The following GPR141 variants were observed in gnomAD, a reference collection of about 807,000 sequenced individuals.
The protein encoded by GPR141 is probable G protein-coupled receptor 141.
In GPR141, 6 loss-of-function variants were observed where a neutral mutation model predicts 6.8. The ratio of observed to expected loss-of-function variants is 0.88; its 90% confidence interval spans 0.48 to 1.74. The LOEUF is 1.74. GPR141 is among the 40% of genes most tolerant of loss of function. The pLI is 0.01. For missense variants in GPR141, 372 were observed against 372.9 expected, an observed-to-expected ratio of 1.00 and a Z score of 0.02; for synonymous variants, 140 against 142.3, an observed-to-expected ratio of 0.98 and a Z score of 0.11.
chr7:37,702,115 G>C (rs1046601209), intron 2 of GPR141, among the ~76,000 whole-genome samples: 7 of 152,022 alleles, frequency 4.6e-5, no homozygotes, highest in African/African-American at 1.7e-4. Flanking sequence ...AACTTTCCAA[G>C]TCATCTTATT....
Position 37,687,962 on chromosome 7 carries a change from C to A in GPR141, c.-15+2379C>A, listed in dbSNP as rs530642074. 4.1e-4 allele frequency among the ~76,000 whole-genome samples: 63 copies of A among 152,244 alleles called. 1 individual carries two copies. The highest frequency in any genetic ancestry group is 5.9e-4 in the Non-Finnish European group (40 of 68,018). ...TTTTAGATTTTGTGAGCCAAACAAT[C>A]TCTGTTGCAACGATACAACTTACAA... On this transcript the variant is annotated intron_variant, in intron 2 of 2. Transcript: ENST00000334425.
rs1405104290 is a variant in GPR141, at chr7:37,698,507, G to GTTGAGGCAACTTAGTAA, written c.-15+12924_-15+12925insTTGAGGCAACTTAGTAA. ...GGGGAATCTTGAGGCAACTTAGTAA[G>GTTGAGGCAACTTAGTAA]GGAGTATTAGAAACAGTCTGTGGAA... On this transcript the variant is annotated intron_variant, in intron 2 of 2. Coordinates refer to ENST00000334425, the MANE Select transcript of GPR141 (RefSeq NM_001381946.1). Among the ~76,000 whole-genome samples the GTTGAGGCAACTTAGTAA allele has an allele frequency of 3.9e-5, 6 of 152,292 alleles. No homozygotes were observed. In the South Asian group the frequency reaches 8.3e-4, roughly 21 times the overall value.
intron 2 of GPR141, among the ~76,000 whole-genome samples, chr7:37,698,426 C>T (rs759506224): frequency 2.0e-5 from 3 of 152,104 alleles, no homozygotes; most frequent in Non-Finnish European, 4.4e-5. Flanking sequence ...CCAAAGGCCA[C>T]GAGAACCTGT....
intron 2 of GPR141, among the ~76,000 whole-genome samples, chr7:37,691,849 T>C (rs1169595212): frequency 6.6e-6 from 1 of 152,214 alleles, no homozygotes; most frequent in Non-Finnish European, 1.5e-5. Context: ...TCCCATTCTC[T>C]CCTGGCCTGT....
Position 37,713,464 on chromosome 7 carries a change from A to G in GPR141, c.-14-26916A>G, listed in dbSNP as rs140167937. ...ACTGTGCCTGGCCTGATGTTAATTT[A>G]TAATGCTTTCCTATGAATAAACTGT... On this transcript the variant is annotated intron_variant, in intron 2 of 2. Coordinates refer to ENST00000334425, the MANE Select transcript of GPR141 (RefSeq NM_001381946.1). 98 of 152,284 alleles carry G rather than the reference A, an allele frequency of 6.4e-4. 1 individual carries two copies. The highest frequency in any genetic ancestry group is 2.2e-3 in the African/African-American group (93 of 41,566). The allele number at this position is 152,284 out of a possible 1,614,324, so 9.4% of individuals were successfully genotyped here. A position where few individuals can be genotyped will look rare whatever the true frequency, so the allele number is the denominator to read the frequency against.
chr7:37,704,898 A>C (rs1483177386), intron 2 of GPR141, among the ~76,000 whole-genome samples: 4 of 152,158 alleles, frequency 2.6e-5, no homozygotes, highest in African/African-American at 9.7e-5. Flanking sequence ...GATGTTTAAA[A>C]AATGATTTTT....
At chr7:37,693,358 C>T (rs572656988) in intron 2 of GPR141, among the ~76,000 whole-genome samples, 3 of 152,236 alleles carry the variant, frequency 2.0e-5, no homozygotes, top group African/African-American at 7.2e-5. Flanking sequence ...TTCCATTGGT[C>T]TATATGTCTG....
rs773266967 is a variant in GPR141, at chr7:37,741,349, TGG to T, written c.*40_*41del. ...GTATTCATATTTGCTTCCTTTATAT[TGG>T]GAATAAAAATGGGTATAGGGGAGGT... On this transcript the variant is annotated 3_prime_UTR_variant, in exon 3 of 3. Coordinates refer to ENST00000334425, the MANE Select transcript of GPR141 (RefSeq NM_001381946.1). The T allele has an allele frequency of 2.7e-6, 4 of 1,456,758 alleles. No individual in the cohort carries two copies. In the South Asian group the frequency reaches 5.4e-5, roughly 20 times the overall value. 90.2% of individuals were successfully genotyped at this position (1,456,758 alleles called of 1,614,324 possible). A position where few individuals can be genotyped will look rare whatever the true frequency, so the allele number is the denominator to read the frequency against.
At chr7:37,690,054 G>A (rs1015460727) in intron 2 of GPR141, among the ~76,000 whole-genome samples, 2 of 151,440 alleles carry the variant, frequency 1.3e-5, no homozygotes. Flanking sequence ...TCTTAATACT[G>A]CTTTTGCTGT....
chr7:37,733,801 T>G (rs1485522507), intron 2 of GPR141, among the ~76,000 whole-genome samples: 2 of 152,194 alleles, frequency 1.3e-5, no homozygotes, highest in Non-Finnish European at 2.9e-5. Flanking sequence ...TGCAGGAATT[T>G]TGCAGCCAAA....
chr7:37,688,593 A>C (rs1391706763), intron 2 of GPR141, among the ~76,000 whole-genome samples: 2 of 152,046 alleles, frequency 1.3e-5, no homozygotes, highest in Non-Finnish European at 2.9e-5. Context: ...ACTGAGACGC[A>C]CTCATCCTTC....
intron 2 of GPR141, among the ~76,000 whole-genome samples, chr7:37,690,296 T>C (rs1809697865): frequency 6.6e-6 from 1 of 152,158 alleles, no homozygotes. Context: ...ATTCCCGGCG[T>C]TAGAGGTGAG....
At chr7:37,706,131 T>C (rs1383098593) in intron 2 of GPR141, among the ~76,000 whole-genome samples, 1 of 152,214 alleles carries the variant, frequency 6.6e-6, no homozygotes, top group African/African-American at 2.4e-5. Context: ...GCCTGCATGG[T>C]GTTTACACAC....
intron 2 of GPR141, among the ~76,000 whole-genome samples, chr7:37,692,195 G>T (rs1440195056): frequency 6.6e-6 from 1 of 151,400 alleles, no homozygotes; most frequent in African/African-American, 2.4e-5. Flanking sequence ...CCCTCCCTGT[G>T]TCCATGTGTT....
chr7:37,719,471 T>G (rs1209338792), intron 2 of GPR141, among the ~76,000 whole-genome samples: 1 of 152,250 alleles, frequency 6.6e-6, no homozygotes, highest in Non-Finnish European at 1.5e-5. Flanking sequence ...CTAACCATTC[T>G]AACATGGATC....
At chr7:37,694,306 T>C (rs947834123) in intron 2 of GPR141, among the ~76,000 whole-genome samples, 2 of 152,182 alleles carry the variant, frequency 1.3e-5, no homozygotes, top group African/African-American at 4.8e-5. Context: ...CACTGTTTAC[T>C]TGGGAGGCAA....
intron 2 of GPR141, chr7:37,713,506 A>T (rs943636589): frequency 1.3e-5 from 2 of 152,182 alleles, no homozygotes; most frequent in East Asian, 3.9e-4. Context: ...ACTTTAGTCA[A>T]TGTATCCAAA....
At chr7:37,732,144 CTTTT>C (rs1176520782) in intron 2 of GPR141, among the ~76,000 whole-genome samples, 2 of 127,616 alleles carry the variant, frequency 1.6e-5, no homozygotes, top group Admixed American at 8.0e-5. Context: ...TTCTCTCTCT[CTTTT>C]TTTTTTTTTT....
chr7:37,718,991 G>T (rs1031686205), intron 2 of GPR141, among the ~76,000 whole-genome samples: 2 of 152,196 alleles, frequency 1.3e-5, no homozygotes, highest in Non-Finnish European at 2.9e-5. Flanking sequence ...GGGTTGGAGG[G>T]CATTATGGAG....
Sources: allele counts gnomAD v4.1 joint callset (sites outside exome capture counted in the v4.1 genomes callset), GRCh38; gene constraint gnomAD v4.1.1; transcripts MANE v1.5; gene names NCBI Gene and HGNC (gene_info 2026-07-23, HGNC 2026-07-21).